Variants in ITPR2 observed in about 807,000 individuals in gnomAD.
The protein encoded by ITPR2 is inositol 1,4,5-trisphosphate receptor type 2.
In ITPR2, 207 loss-of-function variants were observed where a neutral mutation model predicts 317.1. The observed-to-expected ratio is 0.65, with a 90% CI of 0.58 to 0.73. The LOEUF is 0.73. Among genes scored for constraint, ITPR2 ranks in the 30% least tolerant of loss-of-function variants. ITPR2 has a pLI of 0.00. For synonymous variants in ITPR2, 1,156 were observed against 1,149.1 expected, an observed-to-expected ratio of 1.01 and a Z score of -0.12; for missense variants, 2,613 against 3,284.0, an observed-to-expected ratio of 0.80 and a Z score of 4.99.
At chr12:26,651,208 A>T (rs1483844632) in intron 21 of ITPR2, among the ~76,000 whole-genome samples, 1 of 151,488 alleles carries the variant, frequency 6.6e-6, no homozygotes, top group Non-Finnish European at 1.5e-5. Context: ...TTCTTCAGGG[A>T]CTCCAGTTAT....
chr12:26,631,896 GTCC>G lies in ITPR2; in HGVS notation c.2901_2903del (p.Met967_Asp968delinsIle), dbSNP rs760073876. On this transcript the variant is annotated inframe_deletion, in exon 22 of 57. Transcript: ENST00000381340. Reference sequence around the variant, plus strand: ...AAATCTCAATGATCTTCAGCTTGGTGTCCATCACAGTCACATCCTCGTGCTCGG... The same window carrying G: ...AAATCTCAATGATCTTCAGCTTGGTGATCACAGTCACATCCTCGTGCTCGG... 8 of 1,613,904 alleles carry G rather than the reference GTCC, an allele frequency of 5.0e-6. No homozygotes were observed. In the African/African-American group the frequency reaches 5.3e-5, roughly 11 times the overall value.
Position 26,622,296 on chromosome 12 carries a change from G to A in ITPR2, c.3232C>T (p.Gln1078Ter), listed in dbSNP as rs1477756900. 2.5e-6 allele frequency: 4 copies of A among 1,614,024 alleles called. No homozygotes were observed. Among genetic ancestry groups the A allele is most frequent in the Non-Finnish European group, 8.5e-7 (1 of 1,179,952 alleles). The change falls in exon 25 of 57, where the codon CAG (glutamine) becomes TAG (stop). Residue 1078 changes from glutamine (Q) to a stop codon, truncating the protein, a stop_gained. Coordinates refer to ENST00000381340, the MANE Select transcript of ITPR2 (RefSeq NM_002223.4). LOFTEE classifies it high-confidence loss of function. ...TGGCTGAAGTGCTTAAACAACAGCT[G>A]CAGGGCTCCAGACAGCAAAGGCGGG... ...DYPPLLSGALQLLFKHFSQRA... is the reference protein window; with the variant it reads ...DYPPLLSGAL
chr12:26,714,200 T>G (rs545421980), intron 8 of ITPR2, among the ~76,000 whole-genome samples: 65 of 152,376 alleles, frequency 4.3e-4, no homozygotes, highest in African/African-American at 1.5e-3. Context: ...ATTTTCTGCA[T>G]CTCGTCGGTA....
intron 4 of ITPR2, 46 bp from the exon 5 acceptor site, chr12:26,722,601 T>C (rs1261984067): frequency 3.6e-6 from 5 of 1,393,048 alleles, no homozygotes; most frequent in Non-Finnish European, 5.0e-6. Flanking sequence ...TTTGTTCTCC[T>C]CTGTTAATTA....
At chr12:26,475,552 G>T (rs1942398236) in intron 44 of ITPR2, 134 bp from the exon 45 acceptor site, 2 of 837,398 alleles carry the variant, frequency 2.4e-6, no homozygotes, top group African/African-American at 3.4e-5. Context: ...AATGGCCTTG[G>T]AAACCATCCT....
intron 54 of ITPR2, among the ~76,000 whole-genome samples, chr12:26,388,047 C>T (rs1011256635): frequency 6.6e-6 from 1 of 152,172 alleles, no homozygotes; most frequent in African/African-American, 2.4e-5. Context: ...CTGTTCAAAA[C>T]CACTTGGAAT....
intron 45 of ITPR2, among the ~76,000 whole-genome samples, chr12:26,448,537 A>T (rs1941665397): frequency 6.6e-6 from 1 of 152,204 alleles, no homozygotes; most frequent in African/African-American, 2.4e-5. Flanking sequence ...TATTGCAAAT[A>T]GAAAAACTAG....
At chr12:26,587,154 A>T (rs1357306150) in intron 32 of ITPR2, among the ~76,000 whole-genome samples, 1 of 150,500 alleles carries the variant, frequency 6.6e-6, no homozygotes, top group Non-Finnish European at 1.5e-5. Context: ...TTCATATGAC[A>T]TTTATTTATT....
At position 26,556,565 on chromosome 12, in the gene ITPR2, TTTG is replaced by T. The variant is rs745665057; in HGVS notation, c.4822-193_4822-191del. On this transcript the variant is annotated intron_variant, in intron 35 of 56. Transcript: ENST00000381340. ...TATTGCCTGGGTCTCTATTTTTTTT[TTTG>T]TGTGTGTGTGTGTGTGTGTGTGTGT... 9.3e-4 allele frequency among the ~76,000 whole-genome samples: 98 copies of T among 105,292 alleles called. 1 individual carries two copies. Among genetic ancestry groups the T allele is most frequent in the African/African-American group, 2.7e-3 (85 of 31,548 alleles). 69.1% of individuals were successfully genotyped at this position (105,292 alleles called of 152,430 possible).
In ITPR2 at chr12:26,657,687, G is replaced by T; in HGVS notation, c.2192+20C>A. ...TATGTGAGACTGGGAATTATTGTAA[G>T]ATTGTCTATAATACTTAACCTGTAA... On this transcript the variant is annotated intron_variant, in intron 18 of 56. Coordinates refer to ENST00000381340, the MANE Select transcript of ITPR2 (RefSeq NM_002223.4). The T allele has an allele frequency of 6.3e-7, 1 of 1,599,338 alleles. No individual in the cohort carries two copies.
intron 1 of ITPR2, among the ~76,000 whole-genome samples, chr12:26,790,586 TACACACAC>T (rs10527860): frequency 3.4e-5 from 5 of 147,708 alleles, no homozygotes; most frequent in Admixed American, 1.3e-4. Context: ...CATATATGCT[TACACACAC>T]ACACACACAC....
At chr12:26,398,728 T>C (rs1940081259) in intron 54 of ITPR2, 148 bp downstream of exon 54, 1 of 609,986 alleles carries the variant, frequency 1.6e-6, no homozygotes, top group Admixed American at 3.5e-5. Flanking sequence ...AGAATTCCAG[T>C]CTAATGCTCA....
At chr12:26,628,642 A>C (rs560135819) in intron 22 of ITPR2, among the ~76,000 whole-genome samples, 10 of 152,276 alleles carry the variant, frequency 6.6e-5, no homozygotes, top group Non-Finnish European at 8.8e-5. Flanking sequence ...GCATCTATAC[A>C]CCATGGATTT....
intron 55 of ITPR2, among the ~76,000 whole-genome samples, chr12:26,380,865 T>C (rs996591850): frequency 6.6e-6 from 1 of 152,230 alleles, no homozygotes; most frequent in Non-Finnish European, 1.5e-5. Flanking sequence ...AAACAACATT[T>C]GGGAAATTGC....
intron 26 of ITPR2, among the ~76,000 whole-genome samples, chr12:26,609,823 A>G (rs1460992679): frequency 1.3e-5 from 2 of 152,220 alleles, no homozygotes; most frequent in Admixed American, 1.3e-4. Flanking sequence ...ATTATAACCA[A>G]ATAGGATAAG....
intron 50 of ITPR2, among the ~76,000 whole-genome samples, chr12:26,418,783 T>C (rs1940801112): frequency 1.3e-5 from 2 of 152,136 alleles, no homozygotes; most frequent in South Asian, 4.1e-4. Context: ...AAAGCAGCCC[T>C]TGTCATGTGA....
intron 32 of ITPR2, among the ~76,000 whole-genome samples, chr12:26,593,356 T>G (rs1268228086): frequency 6.6e-6 from 1 of 152,300 alleles, no homozygotes; most frequent in East Asian, 1.9e-4. Flanking sequence ...GAACTGAAAA[T>G]TTACCTAGAA....
At chr12:26,714,277 T>G (rs1396152153) in intron 8 of ITPR2, among the ~76,000 whole-genome samples, 1 of 152,208 alleles carries the variant, frequency 6.6e-6, no homozygotes, top group Non-Finnish European at 1.5e-5. Flanking sequence ...TGTTCCGTTA[T>G]TACGTCTCCT....
At chr12:26,478,510 C>T (rs1463912415) in intron 43 of ITPR2, among the ~76,000 whole-genome samples, 1 of 152,098 alleles carries the variant, frequency 6.6e-6, no homozygotes, top group Non-Finnish European at 1.5e-5. Flanking sequence ...CTACCCTCAG[C>T]AGGCCCAATA....
Sources: allele counts gnomAD v4.1 joint callset (sites outside exome capture counted in the v4.1 genomes callset), GRCh38; gene constraint gnomAD v4.1.1; transcripts MANE v1.5; gene names NCBI Gene and HGNC (gene_info 2026-07-23, HGNC 2026-07-21).